The following UBR4 variants were observed in gnomAD, a reference collection of about 807,000 sequenced individuals.
UBR4 encodes the protein E3 ubiquitin-protein ligase UBR4.
Under a neutral mutation model 575.6 loss-of-function variants are expected in UBR4, and 124 were observed. The ratio of observed to expected loss-of-function variants is 0.22; its 90% CI spans 0.19 to 0.25. The LOEUF is 0.25. Ranked by LOEUF, UBR4 falls within the 10% of genes least tolerant of loss-of-function variation. UBR4 has a pLI of 1.00. For synonymous variants in UBR4, 2,455 were observed against 2,473.7 expected, an observed-to-expected ratio of 0.99 and a Z score of 0.22; for missense variants, 4,818 against 6,478.8, an observed-to-expected ratio of 0.74 and a Z score of 8.80.
At position 19,088,387 on chromosome 1, in the gene UBR4, C is replaced by T. The variant is rs1402620614; in HGVS notation, c.14430+372G>A. Among the ~76,000 whole-genome samples the T allele has an allele frequency of 6.6e-6, 1 of 152,212 alleles. No homozygotes were observed. The highest frequency in any genetic ancestry group is 1.5e-5 in the Non-Finnish European group (1 of 68,026). The stretch of plus-strand genomic sequence containing the variant: ...TAGAAGAGCACAGAACCCTTTGTGT[C>T]AACCACTTATTAGTTATGTGCCTTG... On this transcript the variant is annotated intron_variant, in intron 98 of 105. Coordinates refer to ENST00000375254, the MANE Select transcript of UBR4 (RefSeq NM_020765.3). The surrounding 1 kb of genome is among the most constrained non-coding windows in gnomAD (Gnocchi z 4.0).
At chr1:19,185,892 C>A (rs77215996) in intron 14 of UBR4, among the ~76,000 whole-genome samples, 2,720 of 152,126 alleles carry the variant, frequency 0.018, 82 homozygotes, top group African/African-American at 0.062. Context: ...AGGAGCCCAA[C>A]AAAGAAAGAA....
At chr1:19,132,584 C>CA (rs1207200676) in intron 60 of UBR4, among the ~76,000 whole-genome samples, 2 of 9,686 alleles carry the variant, frequency 2.1e-4, no homozygotes, top group African/African-American at 9.2e-4. Context: ...ACAATAACAA[C>CA]AAAAAAAAAG....
chr1:19,126,632 G>A lies in UBR4; in HGVS notation c.9252C>T (p.Ala3084=), dbSNP rs1414973625. Residue 3084 remains alanine (A), a synonymous_variant, in exon 64 of 106, where the codon GCC becomes GCT. Coordinates refer to ENST00000375254, the MANE Select transcript of UBR4 (RefSeq NM_020765.3). ...CAGAGCTCAGTAGAGCTGCTGCTGT[G>A]GCACTGGAGATGAGGGAAGATGACT... is the stretch of plus-strand genomic sequence containing the variant. ...ICESSSLISS[A]TAAALLSSGA... is the part of the protein sequence containing the mutation. 2.5e-6 allele frequency: 4 copies of A among 1,613,868 alleles called. No individual in the cohort carries two copies. Among genetic ancestry groups the A allele is most frequent in the South Asian group, 2.2e-5 (2 of 91,054 alleles).
intron 29 of UBR4, 137 bp from the exon 30 acceptor site, chr1:19,165,894 CAT>C: frequency 1.5e-6 from 1 of 671,430 alleles, no homozygotes; most frequent in South Asian, 2.0e-5. Flanking sequence ...CAAAGCTTAA[CAT>C]AAAGCCTGGC....
chr1:19,201,076 A>G (rs2151697345), intron 2 of UBR4, among the ~76,000 whole-genome samples: 1 of 152,272 alleles, frequency 6.6e-6, no homozygotes, highest in East Asian at 1.9e-4. Context: ...GAGTTCAAGG[A>G]TGCAGTGAGC....
intron 17 of UBR4, among the ~76,000 whole-genome samples, chr1:19,181,898 A>G (rs538142983): frequency 6.6e-5 from 10 of 152,138 alleles, no homozygotes; most frequent in African/African-American, 2.4e-4. Context: ...ACTACCATCC[A>G]CGTCCAGAAC....
In UBR4 at chr1:19,128,386, T is replaced by C. The variant is rs574632041; in HGVS notation, c.9004-68A>G. 8.6e-4 allele frequency: 1,164 copies of C among 1,357,404 alleles called. 19 individuals carry two copies. The South Asian group carries it at 0.013, about 15-fold the overall frequency. The allele number at this position is 1,357,404 out of a possible 1,614,324, so 84.1% of individuals were successfully genotyped here. On this transcript the variant is annotated intron_variant, in intron 61 of 105. Transcript: ENST00000375254. ...GAAGAACGACTTGAAATACGGGGTG[T>C]TTCAGAAGAAATCCTAATCTTCCTG...
At chr1:19,195,969 TACACACACACACACACACACACACAC>T (rs55820713) in intron 8 of UBR4, among the ~76,000 whole-genome samples, 1 of 134,050 alleles carries the variant, frequency 7.5e-6, no homozygotes, top group African/African-American at 2.9e-5. Context: ...GACTTACTTA[TACACACACACACACACACACACACAC>T]ACACACACAC....
In UBR4 at chr1:19,161,895, A is replaced by G; in HGVS notation, c.4959T>C (p.Asp1653=). ...EEEDSQAEDS[D]EDSLCNKLCT... Reference sequence around the variant, plus strand: ...AGAGTTTATTGCAAAGAGAATCTTCATCCTTCAAAAATAATAAGTCTTTTT... The same window carrying G: ...AGAGTTTATTGCAAAGAGAATCTTCGTCCTTCAAAAATAATAAGTCTTTTT... Residue 1653 remains aspartate (D), a splice_region_variant and synonymous_variant, in exon 36 of 106, where the codon GAT becomes GAC. Transcript: ENST00000375254. The G allele has an allele frequency of 1.9e-6, 3 of 1,614,148 alleles. No homozygotes were observed. Among genetic ancestry groups the G allele is most frequent in the Non-Finnish European group, 2.5e-6 (3 of 1,180,024 alleles).
chr1:19,157,026 C>T lies in UBR4; in HGVS notation c.5761-101G>A. Reference sequence around the variant, plus strand: ...TTCAATAGGGATAACAGGTTGCACACTTTTTTCTTTACAGATAAGTCTAGT... The same window carrying T: ...TTCAATAGGGATAACAGGTTGCACATTTTTTTCTTTACAGATAAGTCTAGT... On this transcript the variant is annotated intron_variant, in intron 40 of 105. Coordinates refer to ENST00000375254, the MANE Select transcript of UBR4 (RefSeq NM_020765.3). The surrounding 1 kb of genome is among the most constrained non-coding windows in gnomAD (Gnocchi z 4.4). The T allele has an allele frequency of 1.5e-6, 2 of 1,344,314 alleles. No individual in the cohort carries two copies. Among genetic ancestry groups the T allele is most frequent in the Non-Finnish European group, 2.0e-6 (2 of 997,194 alleles). The allele number at this position is 1,344,314 out of a possible 1,614,324, so 83.3% of individuals were successfully genotyped here.
chr1:19,089,000 A>G lies in UBR4; in HGVS notation c.14212-23T>C, dbSNP rs772426509. ...AACCTGCCAGTAAGAGACCAGAGAG[A>G]CACATGCCTCCAATTATGTAGACAA... On this transcript the variant is annotated intron_variant, in intron 97 of 105. Coordinates refer to ENST00000375254, the MANE Select transcript of UBR4 (RefSeq NM_020765.3). This position sits in a 1 kb window ranked among gnomAD's most constrained non-coding sequence, Gnocchi z 4.0. 1 of 1,609,870 alleles carries G rather than the reference A, an allele frequency of 6.2e-7. No homozygotes were observed. Among genetic ancestry groups the G allele is most frequent in the Non-Finnish European group, 8.5e-7 (1 of 1,176,816 alleles).
chr1:19,168,851 G>A (rs1407590492), intron 27 of UBR4, among the ~76,000 whole-genome samples: 5 of 152,018 alleles, frequency 3.3e-5, no homozygotes, highest in African/African-American at 9.7e-5. Context: ...GGTGGTGGGC[G>A]CCTGTAGTCC....
Position 19,173,630 on chromosome 1 carries a change from A to G in UBR4, c.2983-9T>C. Reference sequence around the variant, plus strand: ...TGAAGGGCACAGGCCTCCTGGAGAAAGGAAAAGCAGCATAGAGGTAGCACT... The same window carrying G: ...TGAAGGGCACAGGCCTCCTGGAGAAGGGAAAAGCAGCATAGAGGTAGCACT... On this transcript the variant is annotated splice_polypyrimidine_tract_variant and intron_variant, in intron 22 of 105. Transcript: ENST00000375254. 6.2e-7 allele frequency: 1 copy of G among 1,613,842 alleles called. No individual in the cohort carries two copies. The highest frequency in any genetic ancestry group is 1.1e-5 in the South Asian group (1 of 91,038).
At chr1:19,128,753 G>T (rs188715484) in intron 61 of UBR4, among the ~76,000 whole-genome samples, 1 of 152,326 alleles carries the variant, frequency 6.6e-6, no homozygotes, top group Admixed American at 6.5e-5. Flanking sequence ...CACTGGCTCT[G>T]TCAATAACTA....
Position 19,112,793 on chromosome 1 carries a change from C to A in UBR4, c.11532G>T (p.Arg3844=). The stretch of plus-strand genomic sequence containing the variant: ...CAGTGAATGTGGGCTGCACGGAGGT[C>A]CGGGATGATTTAGTGGCTGCTTCCC... ...QQREAATKSS[R]TSVQPTFTAS... is the part of the protein sequence containing the mutation. The change falls in exon 78 of 106, where the codon CGG becomes CGT. Residue 3844 remains arginine (R), a synonymous_variant. Transcript: ENST00000375254. 6.2e-7 allele frequency: 1 copy of A among 1,614,116 alleles called. No individual in the cohort carries two copies. Among genetic ancestry groups the A allele is most frequent in the East Asian group, 2.2e-5 (1 of 44,874 alleles).
At chr1:19,178,910 A>G in intron 18 of UBR4, 141 bp downstream of exon 18, 2 of 1,034,820 alleles carry the variant, frequency 1.9e-6, no homozygotes, top group Non-Finnish European at 1.4e-6. Flanking sequence ...CACATCTCCA[A>G]GTCCATCCCT....
chr1:19,081,696 A>G (rs759614101), intron 102 of UBR4, 123 bp from the exon 103 acceptor site: 1 of 1,051,076 alleles, frequency 9.5e-7, no homozygotes, highest in Non-Finnish European at 1.5e-6. Flanking sequence ...TGGATGACTC[A>G]ACACTCCCCA....
At chr1:19,120,715 G>A (rs559589436) in intron 68 of UBR4, among the ~76,000 whole-genome samples, 1 of 152,318 alleles carries the variant, frequency 6.6e-6, no homozygotes, top group South Asian at 2.1e-4. Flanking sequence ...ACACAGAGAT[G>A]TCTGATCATT....
rs986055493 is a variant in UBR4, at chr1:19,118,011, A to G, written c.10542-101T>C. On this transcript the variant is annotated intron_variant, in intron 71 of 105. Transcript: ENST00000375254. ...AAAGCCATGGCTCAATGTGAGCCAAAGTGAGCCCAAAGTGAGCCCCACCCT... is the reference window on the plus strand; with the variant it reads ...AAAGCCATGGCTCAATGTGAGCCAAGGTGAGCCCAAAGTGAGCCCCACCCT... 16 of 1,137,316 alleles carry G rather than the reference A, an allele frequency of 1.4e-5. No homozygotes were observed. The East Asian group carries it at 3.4e-4, about 24-fold the overall frequency. The allele number at this position is 1,137,316 out of a possible 1,614,324, so 70.5% of individuals were successfully genotyped here.
Sources: allele counts gnomAD v4.1 joint callset (sites outside exome capture counted in the v4.1 genomes callset), GRCh38; gene constraint gnomAD v4.1.1; non-coding constraint Gnocchi (gnomAD v3.1); transcripts MANE v1.5; gene names NCBI Gene and HGNC (gene_info 2026-07-23, HGNC 2026-07-21).